CD274: variants seen among roughly 807,000 people sequenced by gnomAD.
The protein encoded by CD274 is programmed cell death 1 ligand 1.
CD274 carries 8 observed loss-of-function variants against 30.1 expected under a neutral mutation model. That is an observed-to-expected ratio of 0.27 (90% CI 0.16 to 0.48). The LOEUF (loss-of-function observed/expected upper bound fraction) is 0.48. Among genes scored for constraint, CD274 ranks in the 20% least tolerant of loss-of-function variants. The pLI, the probability that CD274 is intolerant of heterozygous loss-of-function variation, is 0.99. For synonymous variants in CD274, 152 were observed against 124.6 expected, an observed-to-expected ratio of 1.22 and a Z score of -1.46; for missense variants, 353 against 346.6, an observed-to-expected ratio of 1.02 and a Z score of -0.15.
chr9:5,464,400 C>G (rs1358550468), intron 4 of CD274, among the ~76,000 whole-genome samples: 2 of 152,040 alleles, frequency 1.3e-5, no homozygotes, highest in Admixed American at 1.3e-4. Context: ...GCATTGTAAA[C>G]TGTAAGTTAC....
At chr9:5,464,351 A>C (rs536970943) in intron 4 of CD274, among the ~76,000 whole-genome samples, 4 of 152,262 alleles carry the variant, frequency 2.6e-5, no homozygotes, top group African/African-American at 9.6e-5. Context: ...CCTAACTCAT[A>C]AAGTTGTTCT....
At chr9:5,458,620 T>G (rs1819348575) in intron 3 of CD274, among the ~76,000 whole-genome samples, 1 of 152,244 alleles carries the variant, frequency 6.6e-6, no homozygotes, top group African/African-American at 2.4e-5. Flanking sequence ...CAATGATCAC[T>G]GATAACTATA....
intron 4 of CD274, among the ~76,000 whole-genome samples, chr9:5,464,534 G>A (rs934744468): frequency 8.5e-5 from 13 of 152,132 alleles, no homozygotes; most frequent in Non-Finnish European, 1.0e-4. Context: ...GGAGTTAGCA[G>A]CCTCTGAACA....
intron 3 of CD274, among the ~76,000 whole-genome samples, chr9:5,462,449 T>C (rs959285681): frequency 5.9e-5 from 9 of 152,256 alleles, no homozygotes; most frequent in Non-Finnish European, 1.3e-4. Flanking sequence ...GAAAGACTTC[T>C]GGTTTAAAGA....
chr9:5,462,411 A>G (rs1172058388), intron 3 of CD274, among the ~76,000 whole-genome samples: 1 of 152,228 alleles, frequency 6.6e-6, no homozygotes, highest in Non-Finnish European at 1.5e-5. Context: ...ACCTGAACAA[A>G]TGGAGAGGGA....
chr9:5,459,155 G>C (rs1177265928), intron 3 of CD274, among the ~76,000 whole-genome samples: 1 of 152,108 alleles, frequency 6.6e-6, no homozygotes, highest in Non-Finnish European at 1.5e-5. Context: ...GAAATCTTCC[G>C]GCACTGATGG....
At chr9:5,466,638 G>A (rs1296586439) in intron 5 of CD274, 132 bp from the exon 6 acceptor site, 1 of 654,316 alleles carries the variant, frequency 1.5e-6, no homozygotes, top group Non-Finnish European at 2.7e-6. Context: ...GTTGGGACCT[G>A]TGGAATAAGG....
chr9:5,461,797 A>G (rs1404959724), intron 3 of CD274, among the ~76,000 whole-genome samples: 7 of 152,186 alleles, frequency 4.6e-5, no homozygotes, highest in African/African-American at 9.6e-5. Context: ...TCCCAAACCA[A>G]TGATCTAAAA....
In CD274 at chr9:5,468,105, C is replaced by G; in HGVS notation, c.*243C>G. 1.9e-6 allele frequency: 1 copy of G among 527,462 alleles called. No homozygotes were observed. Among genetic ancestry groups the G allele is most frequent in the Non-Finnish European group, 3.4e-6 (1 of 296,048 alleles). 32.7% of individuals were successfully genotyped at this position (527,462 alleles called of 1,614,324 possible). ...ACTTTCAAATGCCTGAGGGGCTCAT[C>G]GACGCCTGTGACAGGGAGAAAGGAT... On this transcript the variant is annotated 3_prime_UTR_variant, in exon 7 of 7. Coordinates refer to ENST00000381577, the MANE Select transcript of CD274 (RefSeq NM_014143.4).
intron 3 of CD274, among the ~76,000 whole-genome samples, chr9:5,460,106 C>T (rs73399124): frequency 0.07 from 10,597 of 151,738 alleles, 1,276 homozygotes; most frequent in African/African-American, 0.24. Flanking sequence ...AGTGGTGGTA[C>T]GAAAAGAGCA....
intron 3 of CD274, among the ~76,000 whole-genome samples, chr9:5,462,306 G>A (rs1483428429): frequency 2.6e-5 from 4 of 152,152 alleles, no homozygotes; most frequent in African/African-American, 9.7e-5. Context: ...ACCAGCTGGA[G>A]AGATTCATGT....
At chr9:5,458,523 T>C (rs1043252636) in intron 3 of CD274, among the ~76,000 whole-genome samples, 1 of 152,216 alleles carries the variant, frequency 6.6e-6, no homozygotes, top group Non-Finnish European at 1.5e-5. Flanking sequence ...GTCTTTCCAT[T>C]CCTGGGCTAA....
chr9:5,465,474 G>T (rs1183565323), intron 4 of CD274, 25 bp from the exon 5 acceptor site: 2 of 1,368,762 alleles, frequency 1.5e-6, no homozygotes, highest in Non-Finnish European at 2.1e-6. Flanking sequence ...TAGTCAGTTT[G>T]TTTTCGTTTT....
chr9:5,464,659 C>G (rs565084332), intron 4 of CD274, among the ~76,000 whole-genome samples: 1 of 152,148 alleles, frequency 6.6e-6, no homozygotes, highest in Non-Finnish European at 1.5e-5. Flanking sequence ...AAAGATAAGA[C>G]AACAAGCATT....
At chr9:5,455,055 T>TTA (rs1416203468) in intron 1 of CD274, among the ~76,000 whole-genome samples, 2 of 152,174 alleles carry the variant, frequency 1.3e-5, no homozygotes, top group African/African-American at 4.8e-5. Context: ...ATCTCCTGTC[T>TTA]TATATATACG....
chr9:5,466,988 G>C (rs921319501), intron 6 of CD274, among the ~76,000 whole-genome samples, 159 bp downstream of exon 6: 1 of 152,066 alleles, frequency 6.6e-6, no homozygotes, highest in African/African-American at 2.4e-5. Flanking sequence ...CACCGTCTGA[G>C]GAGGTTTAGG....
intron 1 of CD274, among the ~76,000 whole-genome samples, chr9:5,451,839 TAAG>T (rs1229972735): frequency 6.6e-6 from 1 of 152,004 alleles, no homozygotes; most frequent in Non-Finnish European, 1.5e-5. Context: ...TGATCCTACT[TAAG>T]AATTTTTTTT....
In CD274 at chr9:5,468,638, T is replaced by A. The variant is rs1819536862; in HGVS notation, c.*776T>A. Reference sequence around the variant, plus strand: ...CTGTGCAGTATCTGTTCCATTTAAATATCAGCTTTACAATTATGTGGTAGC... The same window carrying A: ...CTGTGCAGTATCTGTTCCATTTAAAAATCAGCTTTACAATTATGTGGTAGC... On this transcript the variant is annotated 3_prime_UTR_variant, in exon 7 of 7. Coordinates refer to ENST00000381577, the MANE Select transcript of CD274 (RefSeq NM_014143.4). The A allele has an allele frequency of 8.6e-6, 2 of 232,910 alleles. No individual in the cohort carries two copies. The allele number at this position is 232,910 out of a possible 1,614,324, so 14.4% of individuals were successfully genotyped here. A position where few individuals can be genotyped will look rare whatever the true frequency, so the allele number is the denominator to read the frequency against.
chr9:5,463,521 G>C (rs1041444498), intron 4 of CD274, among the ~76,000 whole-genome samples: 2 of 152,216 alleles, frequency 1.3e-5, no homozygotes, highest in African/African-American at 4.8e-5. Context: ...TTCAGGCCTT[G>C]TTTCAGGAAT....
Sources: allele counts gnomAD v4.1 joint callset (sites outside exome capture counted in the v4.1 genomes callset), GRCh38; gene constraint gnomAD v4.1.1; transcripts MANE v1.5; gene names NCBI Gene and HGNC (gene_info 2026-07-23, HGNC 2026-07-21).